QKI: variants seen among roughly 807,000 people sequenced by gnomAD.
QKI encodes QKI, KH domain containing RNA binding.
QKI carries 10 observed loss-of-function variants against 39.0 expected under a neutral mutation model. The observed-to-expected ratio is 0.26, with a 90% CI of 0.16 to 0.43. QKI has a LOEUF of 0.43. Ranked by LOEUF, QKI falls within the 20% of genes least tolerant of loss-of-function variation. The pLI is 1.00. For missense variants in QKI, 218 were observed against 428.0 expected (o/e 0.51, Z 4.33); for synonymous variants, 204 against 155.4 (o/e 1.31, Z -2.33).
intron 6 of QKI, chr6:163,564,424 G>A: frequency 2.2e-6 from 3 of 1,379,418 alleles, no homozygotes; most frequent in Non-Finnish European, 2.8e-6. Flanking sequence ...TGTTATGCAG[G>A]CATGACTGTA....
At chr6:163,470,190 C>T (rs146046534) in intron 2 of QKI, among the ~76,000 whole-genome samples, 50 of 152,110 alleles carry the variant, frequency 3.3e-4, no homozygotes, top group African/African-American at 9.9e-4. Flanking sequence ...AGAGGACAGA[C>T]GAAAGGCTGA....
chr6:163,556,535 C>G (rs1423375872), intron 4 of QKI, among the ~76,000 whole-genome samples: 2 of 138,756 alleles, frequency 1.4e-5, no homozygotes, highest in African/African-American at 5.3e-5. Context: ...CAACAAACAA[C>G]AGAAAAGGCA....
chr6:163,490,605 G>T (rs1777990255), intron 3 of QKI, among the ~76,000 whole-genome samples: 1 of 152,112 alleles, frequency 6.6e-6, no homozygotes, highest in African/African-American at 2.4e-5. Context: ...AAGGTATGGG[G>T]CACAGTGGAG....
rs778255662 is a variant in QKI, at chr6:163,576,892, A to C, written c.*6182A>C. 4.6e-5 allele frequency: 7 copies of C among 152,244 alleles called. No homozygotes were observed. Among genetic ancestry groups the C allele is most frequent in the Non-Finnish European group, 1.0e-4 (7 of 68,040 alleles). The allele number at this position is 152,244 out of a possible 1,614,324, so 9.4% of individuals were successfully genotyped here. The stretch of plus-strand genomic sequence containing the variant: ...AACATTCACTCTGATTTTAGCCATT[A>C]AGGGAGATTAGTAAACAGACTGCTA... On this transcript the variant is annotated 3_prime_UTR_variant, in exon 8 of 8. Coordinates refer to ENST00000361752, the MANE Select transcript of QKI (RefSeq NM_006775.3).
In QKI at chr6:163,459,743, A is replaced by T. The variant is rs139303467; in HGVS notation, c.285+4322A>T. ...CTCTGTGGTTTTTGTGATTACACAT[A>T]AGAAAAATAATCCTGTTCTTGAAGG... On this transcript the variant is annotated intron_variant, in intron 2 of 7. Coordinates refer to ENST00000361752, the MANE Select transcript of QKI (RefSeq NM_006775.3). Among the ~76,000 whole-genome samples, 683 of 152,344 alleles carry T rather than the reference A, an allele frequency of 4.5e-3. 6 individuals are homozygous for T. The highest frequency in any genetic ancestry group is 0.016 in the African/African-American group (646 of 41,576).
At position 163,464,193 on chromosome 6, in the gene QKI, T is replaced by C. The variant is rs535416203; in HGVS notation, c.285+8772T>C. ...TTTTATTTTTTAGAAATCTATGATA[T>C]CTCGCGCAATACATAGCCCATAGAA... On this transcript the variant is annotated intron_variant, in intron 2 of 7. Coordinates refer to ENST00000361752, the MANE Select transcript of QKI (RefSeq NM_006775.3). 2.6e-3 allele frequency among the ~76,000 whole-genome samples: 390 copies of C among 152,190 alleles called. 1 individual carries two copies. Among genetic ancestry groups the C allele is most frequent in the Non-Finnish European group, 3.6e-3 (243 of 67,990 alleles).
intron 3 of QKI, among the ~76,000 whole-genome samples, chr6:163,509,237 TGAAA>T (rs1322348745): frequency 1.3e-5 from 2 of 151,744 alleles, no homozygotes; most frequent in South Asian, 2.1e-4. Flanking sequence ...AAAATAAAGG[TGAAA>T]GAAAGCCATT....
At chr6:163,558,774 T>A (rs1035887011) in intron 4 of QKI, among the ~76,000 whole-genome samples, 2 of 152,036 alleles carry the variant, frequency 1.3e-5, no homozygotes, top group African/African-American at 4.8e-5. Flanking sequence ...GGTCAGGACA[T>A]GAGGGTGAAG....
chr6:163,530,508 A>T (rs1280575959), intron 3 of QKI, among the ~76,000 whole-genome samples: 1 of 152,210 alleles, frequency 6.6e-6, no homozygotes, highest in Non-Finnish European at 1.5e-5. Flanking sequence ...AAGAAACAGA[A>T]TGAGATCACA....
chr6:163,561,477 G>A (rs1486117906), intron 4 of QKI, among the ~76,000 whole-genome samples: 5 of 152,078 alleles, frequency 3.3e-5, no homozygotes, highest in African/African-American at 7.2e-5. Context: ...GCATGGTGGC[G>A]CGTGCCTCTA....
intron 4 of QKI, among the ~76,000 whole-genome samples, chr6:163,541,683 A>T (rs1781531419): frequency 6.6e-6 from 1 of 152,044 alleles, no homozygotes; most frequent in Non-Finnish European, 1.5e-5. Context: ...ATTATAGCTT[A>T]TACAACCTGT....
At chr6:163,570,045 C>T (rs1783611897) in intron 7 of QKI, 1 of 986,154 alleles carries the variant, frequency 1.0e-6, no homozygotes, top group Non-Finnish European at 1.2e-6. Context: ...CACTGCTAGA[C>T]TACAGTTTAG....
intron 2 of QKI, among the ~76,000 whole-genome samples, chr6:163,469,517 A>G (rs984255248): frequency 1.3e-5 from 2 of 152,216 alleles, no homozygotes; most frequent in African/African-American, 2.4e-5. Flanking sequence ...GGTAACAAAT[A>G]TAGTAGAGGC....
intron 3 of QKI, among the ~76,000 whole-genome samples, chr6:163,480,951 C>T (rs1793030629): frequency 6.6e-6 from 1 of 152,086 alleles, no homozygotes; most frequent in African/African-American, 2.4e-5. Flanking sequence ...CAGTAATGGC[C>T]CCCCACTCAA....
intron 1 of QKI, chr6:163,423,094 G>C (rs1263255950): frequency 2.6e-5 from 4 of 152,204 alleles, no homozygotes; most frequent in Non-Finnish European, 5.9e-5. Context: ...TCAAGATTTC[G>C]AGACTAGCCT....
rs559073635 is a variant in QKI at position 163,461,232 on chromosome 6, A to G, written c.285+5811A>G. Reference sequence around the variant, plus strand: ...GTACCAAATATTTCATAGGCTTTTTATGGTTTGGGATATACCACATTTCTT... The same window carrying G: ...GTACCAAATATTTCATAGGCTTTTTGTGGTTTGGGATATACCACATTTCTT... On this transcript the variant is annotated intron_variant, in intron 2 of 7. Coordinates refer to ENST00000361752, the MANE Select transcript of QKI (RefSeq NM_006775.3). Among the ~76,000 whole-genome samples the G allele has an allele frequency of 3.9e-5, 6 of 152,198 alleles. No homozygotes were observed. In the South Asian group the frequency reaches 1.0e-3, roughly 26 times the overall value.
intron 1 of QKI, among the ~76,000 whole-genome samples, chr6:163,440,706 A>G (rs1789701537): frequency 6.6e-6 from 1 of 152,146 alleles, no homozygotes; most frequent in African/African-American, 2.4e-5. Flanking sequence ...CTTCAACTAT[A>G]GTTTTTGTTC....
chr6:163,504,876 C>T (rs1387144124), intron 3 of QKI, among the ~76,000 whole-genome samples: 1 of 152,094 alleles, frequency 6.6e-6, no homozygotes, highest in Non-Finnish European at 1.5e-5. Flanking sequence ...ACTTGCTCCT[C>T]TTCTTTTTAA....
intron 4 of QKI, 26 bp downstream of exon 4, chr6:163,535,151 AT>A (rs1242199041): frequency 4.5e-5 from 70 of 1,544,368 alleles, no homozygotes; most frequent in Non-Finnish European, 5.8e-5. Flanking sequence ...CAGACCTTAG[AT>A]TTGGGCCTCG....
Sources: allele counts gnomAD v4.1 joint callset (sites outside exome capture counted in the v4.1 genomes callset), GRCh38; gene constraint gnomAD v4.1.1; transcripts MANE v1.5; gene names NCBI Gene and HGNC (gene_info 2026-07-23, HGNC 2026-07-21).